Variants in MMD2 observed in about 807,000 individuals in gnomAD.
MMD2 encodes monocyte to macrophage differentiation factor 2.
In MMD2, 30 loss-of-function variants were observed where a neutral mutation model predicts 33.5. The ratio of observed to expected loss-of-function variants is 0.90; its 90% CI spans 0.67 to 1.22. The LOEUF is 1.22. MMD2 is among the 50% of genes most tolerant of loss of function. MMD2 has a pLI of 0.00. For synonymous variants in MMD2, 129 were observed against 123.0 expected (o/e 1.05, Z -0.32); for missense variants, 364 against 325.4 (o/e 1.12, Z -0.91).
chr7:4,898,024 C>A, the MMD2 span, among the ~76,000 whole-genome samples: 7 of 152,276 alleles, frequency 4.6e-5, no homozygotes, highest in Admixed American at 4.6e-4. Flanking sequence ...AGGTGTGAGC[C>A]ACCGCACCCG....
At chr7:4,911,095 A>G (rs1028221584) in intron 5 of MMD2, 50 bp downstream of exon 5, 40 of 1,453,664 alleles carry the variant, frequency 2.8e-5, no homozygotes, top group Non-Finnish European at 3.7e-5. Flanking sequence ...TGGGGAGGCC[A>G]GAGCATCTAA....
chr7:4,933,036 G>T (rs1341842873), intron 1 of MMD2, among the ~76,000 whole-genome samples: 1 of 151,136 alleles, frequency 6.6e-6, no homozygotes, highest in Non-Finnish European at 1.5e-5. Flanking sequence ...AAAGTGAAAA[G>T]AAACTGTACT....
chr7:4,896,625 C>T, the MMD2 span, among the ~76,000 whole-genome samples: 1 of 152,292 alleles, frequency 6.6e-6, no homozygotes, highest in African/African-American at 2.4e-5. Context: ...CTAGCTGAGC[C>T]GCAGACTCTA....
At chr7:4,895,928 C>T in the MMD2 span, among the ~76,000 whole-genome samples, 4,024 of 152,210 alleles carry the variant, frequency 0.026, 82 homozygotes, top group Non-Finnish European at 0.039. Flanking sequence ...TTAGCGTGCC[C>T]TGCTCACTCC....
At chr7:4,956,722 G>A (rs919751733) in intron 1 of MMD2, among the ~76,000 whole-genome samples, 9 of 152,170 alleles carry the variant, frequency 5.9e-5, no homozygotes, top group African/African-American at 2.2e-4. Flanking sequence ...CTGGGGTCAA[G>A]AGAGGTTGAG....
the MMD2 span, among the ~76,000 whole-genome samples, chr7:4,898,789 C>T: frequency 2.0e-5 from 3 of 152,140 alleles, no homozygotes; most frequent in South Asian, 4.1e-4. Flanking sequence ...ATCCCAGCTA[C>T]TTGGGAGGCT....
rs916914975 is a variant in MMD2 at position 4,911,145 on chromosome 7, C to T, written c.467G>A (p.Arg156Gln). ...GTIYVFFFHERYKLVELLCYV... is the reference protein window; with the variant it reads ...GTIYVFFFHEQYKLVELLCYV... The stretch of plus-strand genomic sequence containing the variant: ...CCTGAAGCCCCCAGGCCTGGCTTAC[C>T]GCTCATGGAAGAAGAAGACATAGAT... The change falls in exon 5 of 7, where the codon CGG (arginine) becomes CAG (glutamine). Residue 156 changes from arginine (R) to glutamine (Q), a missense_variant and splice_region_variant. By Grantham distance (43) the Arg-to-Gln change is conservative (BLOSUM62 1). Transcript: ENST00000401401. The T allele has an allele frequency of 2.0e-5, 31 of 1,574,760 alleles. No individual in the cohort carries two copies. Among genetic ancestry groups the T allele is most frequent in the East Asian group, 4.7e-5 (2 of 42,748 alleles).
intron 2 of MMD2, among the ~76,000 whole-genome samples, chr7:4,920,762 T>C (rs1434343044): frequency 7.4e-6 from 1 of 134,830 alleles, no homozygotes; most frequent in Non-Finnish European, 1.6e-5. Flanking sequence ...TTGTCCCCCA[T>C]GCTGGAGTGC....
Position 4,930,477 on chromosome 7 carries a change from T to TA in MMD2, c.48-4946dup, listed in dbSNP as rs1285184909. On this transcript the variant is annotated intron_variant, in intron 1 of 6. Coordinates refer to ENST00000401401, the MANE Select transcript of MMD2 (RefSeq NM_198403.4). ...TAACACGGCAATACCCCATCTCTAC[T>TA]AAAAAAAAATACAAAAATTAGCCAG... is the stretch of plus-strand genomic sequence containing the variant. 1.3e-3 allele frequency among the ~76,000 whole-genome samples: 190 copies of TA among 149,280 alleles called. 1 individual carries two copies. The highest frequency in any genetic ancestry group is 4.0e-3 in the African/African-American group (162 of 40,620).
At chr7:4,920,392 T>C in intron 2 of MMD2, 61 bp from the exon 3 acceptor site, 2 of 1,544,550 alleles carry the variant, frequency 1.3e-6, no homozygotes, top group East Asian at 2.4e-5. Flanking sequence ...GCACACCTCC[T>C]GCCCCTTCCC....
At chr7:4,914,415 C>T (rs1785090957) in intron 4 of MMD2, among the ~76,000 whole-genome samples, 1 of 152,194 alleles carries the variant, frequency 6.6e-6, no homozygotes, top group Admixed American at 6.5e-5. Flanking sequence ...TCTTTCATTT[C>T]CATCAGCTTC....
intron 6 of MMD2, among the ~76,000 whole-genome samples, chr7:4,909,530 C>T (rs973400998): frequency 1.3e-5 from 2 of 152,100 alleles, no homozygotes; most frequent in Admixed American, 6.6e-5. Context: ...ACAACCTCTG[C>T]ATCCCAGGTT....
At chr7:4,903,039 A>C (rs182803304), downstream of MMD2, among the ~76,000 whole-genome samples, 344 of 152,292 alleles carry the variant, frequency 2.3e-3, 1 homozygote, top group African/African-American at 8.0e-3. Flanking sequence ...GGAGTTCGAG[A>C]CCAGCCTGGC....
At chr7:4,924,273 G>A (rs1785365492) in intron 2 of MMD2, among the ~76,000 whole-genome samples, 1 of 152,222 alleles carries the variant, frequency 6.6e-6, no homozygotes, top group African/African-American at 2.4e-5. Flanking sequence ...GTTCGAATCA[G>A]CACCAGCCAC....
At chr7:4,925,962 C>T (rs953239262) in intron 1 of MMD2, among the ~76,000 whole-genome samples, 5 of 151,968 alleles carry the variant, frequency 3.3e-5, no homozygotes, top group African/African-American at 7.2e-5. Flanking sequence ...TGTGCCACCA[C>T]GCCAGGCTAA....
chr7:4,907,996 G>C (rs1784906378), intron 6 of MMD2, among the ~76,000 whole-genome samples: 1 of 151,666 alleles, frequency 6.6e-6, no homozygotes, highest in Admixed American at 6.6e-5. Flanking sequence ...TTTTGGAGAT[G>C]GGGGCATCTC....
chr7:4,892,316 G>A, the MMD2 span, among the ~76,000 whole-genome samples: 115 of 152,244 alleles, frequency 7.6e-4, no homozygotes, highest in Non-Finnish European at 6.5e-4. Context: ...GGCCGGGCAC[G>A]GTGGCTCACG....
At chr7:4,900,777 C>A in the MMD2 span, among the ~76,000 whole-genome samples, 2 of 152,114 alleles carry the variant, frequency 1.3e-5, no homozygotes, top group African/African-American at 4.8e-5. Flanking sequence ...GTGTGGGACT[C>A]CTCCTGCCGC....
the MMD2 span, among the ~76,000 whole-genome samples, chr7:4,897,450 C>T: frequency 1.3e-5 from 2 of 152,098 alleles, no homozygotes; most frequent in Non-Finnish European, 2.9e-5. Flanking sequence ...ATGCCGCAAA[C>T]GCCACTCTCA....
Sources: allele counts gnomAD v4.1 joint callset (sites outside exome capture counted in the v4.1 genomes callset), GRCh38; gene constraint gnomAD v4.1.1; transcripts MANE v1.5; gene names NCBI Gene and HGNC (gene_info 2026-07-23, HGNC 2026-07-21).